TRAF3IP1: variants seen among roughly 807,000 people sequenced by gnomAD.
The protein encoded by TRAF3IP1 is TRAF3-interacting protein 1.
TRAF3IP1 carries 53 observed loss-of-function variants against 89.9 expected under a neutral mutation model. The observed-to-expected ratio is 0.59, with a 90% CI of 0.47 to 0.74. The LOEUF is 0.74. Among genes scored for constraint, TRAF3IP1 ranks in the 30% least tolerant of loss-of-function variants. The pLI is 0.00. For synonymous variants in TRAF3IP1, 311 were observed against 322.1 expected (o/e 0.97, Z 0.37); for missense variants, 806 against 866.1 (o/e 0.93, Z 0.87).
chr2:238,357,232 C>T (rs7564619), intron 15 of TRAF3IP1, among the ~76,000 whole-genome samples: 15,996 of 152,220 alleles, frequency 0.11, 1,359 homozygotes, highest in African/African-American at 0.23. Flanking sequence ...AGGGCGGGCA[C>T]CTGTGGGCCA....
rs560350330 is a variant in TRAF3IP1 at position 238,395,074 on chromosome 2, G to A, written c.1690-2385G>A. Among the ~76,000 whole-genome samples the A allele has an allele frequency of 2.6e-5, 4 of 152,270 alleles. No homozygotes were observed. The East Asian group carries it at 5.8e-4, about 22-fold the overall frequency. ...GGGTGTCCAGGGAGGGCTTCCTAAA[G>A]AAACAGTGTTGCAGGGCATGATGGC... On this transcript the variant is annotated intron_variant, in intron 15 of 16. Transcript: ENST00000373327.
chr2:238,339,189 T>C (rs1698521283), intron 8 of TRAF3IP1, among the ~76,000 whole-genome samples: 2 of 152,212 alleles, frequency 1.3e-5, no homozygotes, highest in South Asian at 4.1e-4. Context: ...CCCTGAGAGC[T>C]GGCATTTCCA....
chr2:238,345,397 C>A lies in TRAF3IP1; in HGVS notation c.1261+799C>A, dbSNP rs1445373643. On this transcript the variant is annotated intron_variant, in intron 9 of 16. Transcript: ENST00000373327. This position sits in a 1 kb window ranked among gnomAD's most constrained non-coding sequence, Gnocchi z 4.7. ...TGGTTGGTGAGGGTGGCCCAGAAAG[C>A]CTGCAGGGCAGAAGGGGCTGTATAA... 6.6e-6 allele frequency among the ~76,000 whole-genome samples: 1 copy of A among 152,186 alleles called. No homozygotes were observed. The highest frequency in any genetic ancestry group is 1.5e-5 in the Non-Finnish European group (1 of 68,038).
rs201037417 is a variant in TRAF3IP1, at chr2:238,347,483, A to T, written c.1282+8A>T. The T allele has an allele frequency of 1.7e-4, 278 of 1,614,036 alleles. No individual in the cohort carries two copies. In the East Asian group the frequency reaches 6.0e-3, roughly 35 times the overall value. ...ACTCCACCAGTGATGCAGGTGAGGA[A>T]TGGCCTTAGATACCTGTGTGTCATA... On this transcript the variant is annotated splice_region_variant and intron_variant, in intron 10 of 16. Transcript: ENST00000373327.
intron 15 of TRAF3IP1, among the ~76,000 whole-genome samples, chr2:238,357,861 A>C (rs902283798): frequency 3.3e-5 from 5 of 152,158 alleles, no homozygotes; most frequent in African/African-American, 1.2e-4. Flanking sequence ...TTGTGTTTCA[A>C]AGTCTCCTTG....
chr2:238,397,564 C>T lies in TRAF3IP1; in HGVS notation c.1795C>T (p.Pro599Ser). ...SIQTLCKSAL[P>S]LGKIMDYIQE... The stretch of plus-strand genomic sequence containing the variant: ...CCAGACCCTGTGCAAGAGCGCACTT[C>T]CCCTGGGGAAGATCATGGACTACAT... The change falls in exon 16 of 17, where the codon CCC (proline) becomes TCC (serine). Residue 599 changes from proline to serine, a missense_variant. Pro to Ser is a moderately conservative substitution (Grantham distance 74, BLOSUM62 -1). Coordinates refer to ENST00000373327, the MANE Select transcript of TRAF3IP1 (RefSeq NM_015650.4). 1.2e-6 allele frequency: 2 copies of T among 1,613,078 alleles called. No homozygotes were observed. Among genetic ancestry groups the T allele is most frequent in the Non-Finnish European group, 1.7e-6 (2 of 1,179,956 alleles).
chr2:238,346,745 G>A (rs1299042565), intron 9 of TRAF3IP1, among the ~76,000 whole-genome samples: 2 of 152,208 alleles, frequency 1.3e-5, no homozygotes, highest in Non-Finnish European at 2.9e-5. Flanking sequence ...CGTATAGTGT[G>A]CTGGGCTGTC....
At chr2:238,326,038 A>T (rs1697816599) in intron 3 of TRAF3IP1, 68 bp downstream of exon 3, 1 of 1,525,934 alleles carries the variant, frequency 6.6e-7, no homozygotes, top group African/African-American at 1.4e-5. Flanking sequence ...GGGGTGAGGG[A>T]CTCACATGTG....
chr2:238,386,933 A>G (rs948724799), intron 15 of TRAF3IP1, among the ~76,000 whole-genome samples: 7 of 152,314 alleles, frequency 4.6e-5, no homozygotes, highest in Middle Eastern at 3.4e-3. Context: ...TTTGCTCTGT[A>G]TGCATTTTTT....
At chr2:238,334,215 G>A (rs1406561020) in intron 7 of TRAF3IP1, among the ~76,000 whole-genome samples, 180 bp downstream of exon 7, 2 of 152,140 alleles carry the variant, frequency 1.3e-5, no homozygotes, top group African/African-American at 2.4e-5. Flanking sequence ...ACATGCGTGT[G>A]TGCACAAGTG....
chr2:238,340,860 CAG>C (rs201408891), intron 8 of TRAF3IP1, among the ~76,000 whole-genome samples: 1 of 143,898 alleles, frequency 6.9e-6, no homozygotes, highest in Non-Finnish European at 1.5e-5. Flanking sequence ...GAGAGAGAGA[CAG>C]AGAGACAGAG....
chr2:238,375,577 G>A (rs900604119), intron 15 of TRAF3IP1, among the ~76,000 whole-genome samples: 3 of 152,152 alleles, frequency 2.0e-5, no homozygotes, highest in African/African-American at 4.8e-5. Context: ...GAATAAGTGC[G>A]ATGTGGTGCT....
Position 238,325,368 on chromosome 2 carries a change from T to C in TRAF3IP1, c.186T>C (p.Asn62=), listed in dbSNP as rs1274634129. Residue 62 remains asparagine (N), a synonymous_variant, in exon 2 of 17, where the codon AAT becomes AAC. Transcript: ENST00000373327. ...LYTDAEMKSD[N]VKDKDAKISF... ...CAGACGCCGAGATGAAGTCTGATAATGTGAAGGTGGGTTTGAGTCGGGCTT... is the reference window on the plus strand; with the variant it reads ...CAGACGCCGAGATGAAGTCTGATAACGTGAAGGTGGGTTTGAGTCGGGCTT... The C allele has an allele frequency of 1.2e-6, 2 of 1,614,062 alleles. No individual in the cohort carries two copies. Among genetic ancestry groups the C allele is most frequent in the Non-Finnish European group, 1.7e-6 (2 of 1,180,048 alleles).
rs1245312730 is a variant in TRAF3IP1, at chr2:238,327,553, T to C, written c.355-1133T>C. ...TTTGATGGGGCTTGAATCAGATCAG[T>C]GGTTTTTTACCCATAATTTTATTAT... On this transcript the variant is annotated intron_variant, in intron 3 of 16. Coordinates refer to ENST00000373327, the MANE Select transcript of TRAF3IP1 (RefSeq NM_015650.4). 2.6e-5 allele frequency among the ~76,000 whole-genome samples: 4 copies of C among 152,162 alleles called. No homozygotes were observed. The East Asian group carries it at 5.8e-4, about 22-fold the overall frequency.
In TRAF3IP1 at chr2:238,396,544, TAAAA is replaced by T. The variant is rs112286282; in HGVS notation, c.1690-907_1690-904del. On this transcript the variant is annotated intron_variant, in intron 15 of 16. Coordinates refer to ENST00000373327, the MANE Select transcript of TRAF3IP1 (RefSeq NM_015650.4). ...TAAAGTATAATAATAATAAAAAAAT[TAAAA>T]AAAAAAAGGAAAGAAGGAGAAAGAA... is the stretch of plus-strand genomic sequence containing the variant. Among the ~76,000 whole-genome samples the T allele has an allele frequency of 1.9e-4, 27 of 142,406 alleles. 1 individual carries two copies. In the East Asian group the frequency reaches 2.2e-3, roughly 12 times the overall value. 93.4% of individuals were successfully genotyped at this position (142,406 alleles called of 152,430 possible). A position where few individuals can be genotyped will look rare whatever the true frequency, so the allele number is the denominator to read the frequency against.
chr2:238,360,709 G>A (rs543477510), intron 15 of TRAF3IP1, among the ~76,000 whole-genome samples: 248 of 152,124 alleles, frequency 1.6e-3, no homozygotes, highest in Non-Finnish European at 2.1e-3. Context: ...GTGAAACTTT[G>A]TCTCTACTAA....
chr2:238,344,932 G>T (rs1456937208), intron 9 of TRAF3IP1, among the ~76,000 whole-genome samples: 1 of 152,130 alleles, frequency 6.6e-6, no homozygotes, highest in Non-Finnish European at 1.5e-5. Flanking sequence ...GTACCCCCCA[G>T]ACTTCATGGT....
At position 238,332,860 on chromosome 2, in the gene TRAF3IP1, G is replaced by A. The variant is rs201289716; in HGVS notation, c.952G>A (p.Asp318Asn). The change falls in exon 6 of 17, where the codon GAT becomes AAT. Residue 318 changes from aspartate to asparagine, a missense_variant. By Grantham distance (23) the Asp-to-Asn change is conservative (BLOSUM62 1). Around this residue, in one of 3 missense-constraint regions of TRAF3IP1, gnomAD observed 732 missense variants for 780.5 expected, o/e 0.94. Transcript: ENST00000373327. ...AGGGGAGATGTCTAAAAAGTTATCA[G>A]ATGGAACTTTTAAAGACTCCAAGGC... ...SSGEMSKKLS[D>N]GTFKDSKAET... is the part of the protein sequence containing the mutation. 1.2e-4 allele frequency: 193 copies of A among 1,612,852 alleles called. 1 individual carries two copies. In the South Asian group the frequency reaches 2.0e-3, roughly 17 times the overall value.
At chr2:238,375,742 T>C (rs1700286102) in intron 15 of TRAF3IP1, among the ~76,000 whole-genome samples, 3 of 152,224 alleles carry the variant, frequency 2.0e-5, no homozygotes, top group Admixed American at 2.0e-4. Context: ...TTTTCAATCT[T>C]TTCTCTTATG....
Sources: allele counts gnomAD v4.1 joint callset (sites outside exome capture counted in the v4.1 genomes callset), GRCh38; gene constraint gnomAD v4.1.1; regional missense constraint gnomAD v4.1.1; non-coding constraint Gnocchi (gnomAD v3.1); transcripts MANE v1.5; gene names NCBI Gene and HGNC (gene_info 2026-07-23, HGNC 2026-07-21).